The following CNTN4 variants were observed in gnomAD, a reference collection of about 807,000 sequenced individuals.
CNTN4 encodes the protein contactin 4.
CNTN4 carries 77 observed loss-of-function variants against 122.5 expected under a neutral mutation model. The observed-to-expected ratio is 0.63, with a 90% confidence interval of 0.52 to 0.76. The LOEUF (loss-of-function observed/expected upper bound fraction) is 0.76. CNTN4 is among the 30% of genes least tolerant of loss of function. CNTN4 has a pLI of 0.00. For synonymous variants in CNTN4, 512 were observed against 447.0 expected, an observed-to-expected ratio of 1.15 and a Z score of -1.83; for missense variants, 1,256 against 1,259.1, an observed-to-expected ratio of 1.00 and a Z score of 0.04.
chr3:2,380,868 G>A (rs185237113), intron 3 of CNTN4, among the ~76,000 whole-genome samples: 1 of 152,200 alleles, frequency 6.6e-6, no homozygotes. Context: ...GTATTAGTTG[G>A]TTTATAATTG....
At chr3:2,136,652 T>C (rs2034705739) in intron 2 of CNTN4, among the ~76,000 whole-genome samples, 1 of 151,666 alleles carries the variant, frequency 6.6e-6, no homozygotes, top group Non-Finnish European at 1.5e-5. Flanking sequence ...AGAGTATACA[T>C]CTTAGACAAT....
chr3:2,304,529 C>A (rs1177576852), intron 2 of CNTN4, among the ~76,000 whole-genome samples: 1 of 152,126 alleles, frequency 6.6e-6, no homozygotes, highest in Middle Eastern at 3.4e-3. Context: ...GGTGTTATAT[C>A]ACTTATGAGG....
intron 3 of CNTN4, among the ~76,000 whole-genome samples, chr3:2,551,219 C>T (rs868446122): frequency 6.6e-6 from 1 of 152,034 alleles, no homozygotes; most frequent in Non-Finnish European, 1.5e-5. Context: ...AGAAAGGTAT[C>T]ACTTAATGGA....
intron 23 of CNTN4, among the ~76,000 whole-genome samples, chr3:3,044,313 G>A (rs1700426723): frequency 6.6e-6 from 1 of 152,158 alleles, no homozygotes. Context: ...AAACCAACCT[G>A]AAGCTAGGGG....
At chr3:2,246,684 T>A (rs2040165681) in intron 2 of CNTN4, among the ~76,000 whole-genome samples, 1 of 152,008 alleles carries the variant, frequency 6.6e-6, no homozygotes, top group African/African-American at 2.4e-5. Flanking sequence ...TTATAATAAT[T>A]ACCCACAAAG....
chr3:2,963,655 T>C (rs2094883788), intron 13 of CNTN4, among the ~76,000 whole-genome samples: 1 of 152,200 alleles, frequency 6.6e-6, no homozygotes, highest in African/African-American at 2.4e-5. Flanking sequence ...CTAAAGAAAT[T>C]CCATCATCTT....
rs372377376 is a variant in CNTN4 at position 2,163,044 on chromosome 3, C to T, written c.-145+62405C>T. Among the ~76,000 whole-genome samples the T allele has an allele frequency of 3.9e-3, 598 of 152,230 alleles. 9 individuals are homozygous for T. In the South Asian group the frequency reaches 0.044, roughly 11 times the overall value. On this transcript the variant is annotated intron_variant, in intron 2 of 24. Transcript: ENST00000418658. Reference sequence around the variant, plus strand: ...GCCAGGAGGCTGAAGTTGCAGTGAGCGAAGGTCATGCCACTGCACCCCAGC... The same window carrying T: ...GCCAGGAGGCTGAAGTTGCAGTGAGTGAAGGTCATGCCACTGCACCCCAGC...
intron 18 of CNTN4, chr3:3,037,548 A>G: frequency 1.7e-6 from 1 of 591,262 alleles, no homozygotes; most frequent in South Asian, 1.8e-5. Flanking sequence ...CCACTTGTAC[A>G]GCAAGAGACA....
chr3:2,561,766 G>C (rs9877118), intron 3 of CNTN4, among the ~76,000 whole-genome samples: 26,916 of 152,076 alleles, frequency 0.18, 2,975 homozygotes, highest in African/African-American at 0.3. Context: ...TTTAAACCTG[G>C]CTTGTGTGAT....
intron 2 of CNTN4, among the ~76,000 whole-genome samples, chr3:2,301,983 C>G (rs1268418667): frequency 6.6e-6 from 1 of 152,208 alleles, no homozygotes; most frequent in African/African-American, 2.4e-5. Context: ...AGTTATTAAT[C>G]ATACGTGTGT....
chr3:2,880,268 C>G (rs1238268361), intron 8 of CNTN4, among the ~76,000 whole-genome samples: 3 of 152,208 alleles, frequency 2.0e-5, no homozygotes, highest in Non-Finnish European at 4.4e-5. Flanking sequence ...CTTTTGTATT[C>G]TAACCTTATT....
At chr3:2,381,241 C>T (rs1338739925) in intron 3 of CNTN4, among the ~76,000 whole-genome samples, 6 of 151,704 alleles carry the variant, frequency 4.0e-5, no homozygotes, top group Non-Finnish European at 7.4e-5. Flanking sequence ...CTCCTGACCT[C>T]GTGATCCACC....
At position 3,033,512 on chromosome 3, in the gene CNTN4, C is replaced by CT. The variant is rs563215274; in HGVS notation, c.1784-1114dup. On this transcript the variant is annotated intron_variant, in intron 16 of 24. Coordinates refer to ENST00000418658, the MANE Select transcript of CNTN4 (RefSeq NM_175607.3). Reference sequence around the variant, plus strand: ...TTTTGCACTGCTCTGTGAGAGGTTTCTTTTTTCCCTGTCCCTGTGACATGG... The same window carrying CT: ...TTTTGCACTGCTCTGTGAGAGGTTTCTTTTTTTCCCTGTCCCTGTGACATGG... Among the ~76,000 whole-genome samples the CT allele has an allele frequency of 3.6e-4, 55 of 152,298 alleles. No individual in the cohort carries two copies. In the South Asian group the frequency reaches 0.011, roughly 30 times the overall value.
intron 3 of CNTN4, among the ~76,000 whole-genome samples, chr3:2,497,961 T>G (rs1211772973): frequency 6.6e-6 from 1 of 152,108 alleles, no homozygotes; most frequent in African/African-American, 2.4e-5. Flanking sequence ...TTCTCTACCT[T>G]TCCACCCACC....
At chr3:2,214,645 A>G (rs1210371546) in intron 2 of CNTN4, among the ~76,000 whole-genome samples, 1 of 152,170 alleles carries the variant, frequency 6.6e-6, no homozygotes, top group Non-Finnish European at 1.5e-5. Context: ...AAAAATCACA[A>G]GGTCAGAAAG....
At chr3:2,473,738 C>T (rs993106534) in intron 3 of CNTN4, among the ~76,000 whole-genome samples, 2 of 152,162 alleles carry the variant, frequency 1.3e-5, no homozygotes, top group African/African-American at 4.8e-5. Flanking sequence ...GCCGGCCAGG[C>T]GCGGTGGCTC....
At position 2,491,828 on chromosome 3, in the gene CNTN4, C is replaced by A. The variant is rs188703656; in HGVS notation, c.-88-79588C>A. ...TTTTCTCGAATCTTCCGTCAAGGAG[C>A]AGACTGCCTGCCGTGGTTTTATTGC... On this transcript the variant is annotated intron_variant, in intron 3 of 24. Transcript: ENST00000418658. Among the ~76,000 whole-genome samples the A allele has an allele frequency of 1.7e-3, 260 of 152,300 alleles. 1 individual carries two copies. Among genetic ancestry groups the A allele is most frequent in the African/African-American group, 6.1e-3 (253 of 41,566 alleles).
intron 3 of CNTN4, among the ~76,000 whole-genome samples, chr3:2,411,892 A>T (rs1320197518): frequency 6.6e-6 from 1 of 152,144 alleles, no homozygotes; most frequent in Non-Finnish European, 1.5e-5. Flanking sequence ...ATTGCTCCAT[A>T]TATGTACTCA....
intron 23 of CNTN4, 128 bp downstream of exon 23, chr3:3,043,832 T>C (rs1376796082): frequency 2.8e-6 from 2 of 719,550 alleles, no homozygotes; most frequent in Non-Finnish European, 5.1e-6. Context: ...TAGGAATCGC[T>C]GCCTCCAACA....
Sources: allele counts gnomAD v4.1 joint callset (sites outside exome capture counted in the v4.1 genomes callset), GRCh38; gene constraint gnomAD v4.1.1; transcripts MANE v1.5; gene names NCBI Gene and HGNC (gene_info 2026-07-23, HGNC 2026-07-21).